The following RPS6KC1 variants were observed in gnomAD, a reference collection of about 807,000 sequenced individuals.
RPS6KC1 encodes the protein ribosomal protein S6 kinase C1.
In RPS6KC1, 54 loss-of-function variants were observed where a neutral mutation model predicts 103.8. The ratio of observed to expected loss-of-function variants is 0.52; its 90% CI spans 0.42 to 0.65. RPS6KC1 has a LOEUF of 0.65. Ranked by LOEUF, RPS6KC1 falls within the 30% of genes least tolerant of loss-of-function variation. The probability of loss-of-function intolerance (pLI) is 0.00; values close to 1 mark genes in which losing one functional copy is unlikely to be tolerated. For synonymous variants in RPS6KC1, 439 were observed against 438.7 expected, an observed-to-expected ratio of 1.00 and a Z score of -0.01; for missense variants, 1,151 against 1,253.8, an observed-to-expected ratio of 0.92 and a Z score of 1.24.
the RPS6KC1 span, among the ~76,000 whole-genome samples, chr1:213,770,121 T>C: frequency 1.3e-3 from 198 of 152,306 alleles, no homozygotes; most frequent in African/African-American, 4.5e-3. Context: ...TGCTGCTAAA[T>C]GGGTTTTTTA....
chr1:213,216,204 CAAA>C (rs1483668917), intron 8 of RPS6KC1, among the ~76,000 whole-genome samples: 1 of 151,690 alleles, frequency 6.6e-6, no homozygotes, highest in African/African-American at 2.4e-5. Flanking sequence ...AAATGGAAAA[CAAA>C]AAAAGGCAGG....
chr1:213,091,834 T>A (rs2080990061), intron 3 of RPS6KC1, among the ~76,000 whole-genome samples: 1 of 152,222 alleles, frequency 6.6e-6, no homozygotes, highest in Admixed American at 6.5e-5. Context: ...CAAATCTGAA[T>A]AGTTATAGTT....
chr1:213,501,429 A>C, the RPS6KC1 span, among the ~76,000 whole-genome samples: 1 of 152,236 alleles, frequency 6.6e-6, no homozygotes, highest in Non-Finnish European at 1.5e-5. Context: ...GCAAATATAT[A>C]TAAATGTTGA....
chr1:213,748,335 T>C, the RPS6KC1 span, among the ~76,000 whole-genome samples: 2 of 152,184 alleles, frequency 1.3e-5, no homozygotes, highest in Non-Finnish European at 2.9e-5. Context: ...AATACATAGA[T>C]ATGAAGGAGC....
At chr1:213,797,158 T>C in the RPS6KC1 span, among the ~76,000 whole-genome samples, 1 of 152,230 alleles carries the variant, frequency 6.6e-6, no homozygotes, top group Admixed American at 6.5e-5. Context: ...ACTTTCAATG[T>C]GTCCTACATC....
the RPS6KC1 span, among the ~76,000 whole-genome samples, chr1:213,855,708 T>G: frequency 6.6e-6 from 1 of 152,240 alleles, no homozygotes; most frequent in East Asian, 1.9e-4. Context: ...CCCGGTCCAC[T>G]GCAAATCACT....
chr1:213,167,489 C>CACAAAA (rs141541042), intron 6 of RPS6KC1, among the ~76,000 whole-genome samples: 3 of 126,130 alleles, frequency 2.4e-5, no homozygotes, highest in African/African-American at 1.1e-4. Flanking sequence ...CACACACACA[C>CACAAAA]AACAGCTGTT....
At chr1:213,065,954 A>G (rs943623220) in intron 1 of RPS6KC1, among the ~76,000 whole-genome samples, 14 of 152,226 alleles carry the variant, frequency 9.2e-5, no homozygotes, top group Admixed American at 7.9e-4. Context: ...TTGAAGGTGA[A>G]TAGCCATGTG....
chr1:213,212,921 G>A (rs192210844), intron 8 of RPS6KC1, among the ~76,000 whole-genome samples: 6 of 152,192 alleles, frequency 3.9e-5, no homozygotes, highest in Admixed American at 2.0e-4. Flanking sequence ...TTTTAATCAG[G>A]TTTTTAAAAT....
At chr1:213,280,281 A>G in the RPS6KC1 span, among the ~76,000 whole-genome samples, 1 of 152,228 alleles carries the variant, frequency 6.6e-6, no homozygotes, top group African/African-American at 2.4e-5. Flanking sequence ...GCAGTCTGTC[A>G]GAGTTACTTG....
chr1:213,602,148 T>TTC, the RPS6KC1 span, among the ~76,000 whole-genome samples: 8 of 93,774 alleles, frequency 8.5e-5, no homozygotes, highest in Non-Finnish European at 1.6e-4. Context: ...CTTTCTTTCT[T>TTC]TCTTTCTTTC....
chr1:213,214,031 A>G (rs1385415110), intron 8 of RPS6KC1, among the ~76,000 whole-genome samples: 1 of 152,066 alleles, frequency 6.6e-6, no homozygotes, highest in Non-Finnish European at 1.5e-5. Flanking sequence ...CAGTGGGTGC[A>G]GGACAGTGGG....
At chr1:213,770,178 C>A in the RPS6KC1 span, among the ~76,000 whole-genome samples, 164 of 152,224 alleles carry the variant, frequency 1.1e-3, no homozygotes, top group African/African-American at 3.7e-3. Context: ...GATGAGAAAA[C>A]CAAGGCCATG....
At chr1:213,758,450 C>T in the RPS6KC1 span, among the ~76,000 whole-genome samples, 1 of 151,966 alleles carries the variant, frequency 6.6e-6, no homozygotes, top group Non-Finnish European at 1.5e-5. Flanking sequence ...TGGTGGTGCA[C>T]ATCTGTGATC....
At chr1:213,793,320 C>T in the RPS6KC1 span, among the ~76,000 whole-genome samples, 1 of 152,204 alleles carries the variant, frequency 6.6e-6, no homozygotes, top group Non-Finnish European at 1.5e-5. Flanking sequence ...TCAAAGACAC[C>T]TCAACCTTGA....
the RPS6KC1 span, among the ~76,000 whole-genome samples, chr1:213,280,928 GT>G: frequency 6.6e-6 from 1 of 152,098 alleles, no homozygotes; most frequent in Non-Finnish European, 1.5e-5. Context: ...TTTTTTTAAA[GT>G]GACACTATTG....
the RPS6KC1 span, among the ~76,000 whole-genome samples, chr1:213,492,881 G>A: frequency 1.3e-5 from 2 of 152,218 alleles, no homozygotes; most frequent in Admixed American, 1.3e-4. Flanking sequence ...CCAGGCCTCC[G>A]CTGACCATGT....
intron 8 of RPS6KC1, among the ~76,000 whole-genome samples, chr1:213,221,626 G>A (rs140801196): frequency 1.2e-3 from 184 of 152,282 alleles, no homozygotes; most frequent in South Asian, 2.7e-3. Flanking sequence ...AAACCTTTGT[G>A]AATGTCTGGG....
chr1:213,798,366 G>C, the RPS6KC1 span, among the ~76,000 whole-genome samples: 1 of 152,218 alleles, frequency 6.6e-6, no homozygotes, highest in Non-Finnish European at 1.5e-5. Context: ...AGCCCAAGCA[G>C]GCCAAGTGGC....
Sources: gnomAD v4.1 joint callset for allele counts (sites outside exome capture counted in the v4.1 genomes callset) on GRCh38, gnomAD v4.1.1 for gene constraint, MANE v1.5 for transcripts, NCBI Gene and HGNC (gene_info 2026-07-23, HGNC 2026-07-21) for gene names.